Variants in SYT16 observed in about 807,000 individuals in gnomAD.
SYT16 encodes the protein synaptotagmin-16.
A neutral mutation model predicts 61.4 loss-of-function variants in SYT16; 42 were observed. The ratio of observed to expected loss-of-function variants is 0.68; its 90% CI spans 0.53 to 0.89. The LOEUF is 0.89. Ranked by LOEUF, SYT16 falls within the 40% of genes least tolerant of loss-of-function variation. The pLI, the probability that SYT16 is intolerant of heterozygous loss-of-function variation, is 0.00. For synonymous variants in SYT16, 314 were observed against 302.3 expected, an observed-to-expected ratio of 1.04 and a Z score of -0.40; for missense variants, 804 against 807.3, an observed-to-expected ratio of 1.00 and a Z score of 0.05.
intron 3 of SYT16, among the ~76,000 whole-genome samples, chr14:62,023,392 G>T (rs1260041448): frequency 6.6e-6 from 1 of 152,130 alleles, no homozygotes; most frequent in Non-Finnish European, 1.5e-5. Flanking sequence ...AAACATACAG[G>T]TGATAAAATC....
chr14:61,931,558 A>G (rs953205525), intron 1 of SYT16, among the ~76,000 whole-genome samples: 2 of 152,294 alleles, frequency 1.3e-5, no homozygotes, highest in East Asian at 1.9e-4. Context: ...TTCATTTTGT[A>G]TAGTAGTACA....
At chr14:62,044,857 G>C (rs1473967386) in intron 3 of SYT16, among the ~76,000 whole-genome samples, 1 of 152,094 alleles carries the variant, frequency 6.6e-6, no homozygotes, top group Non-Finnish European at 1.5e-5. Flanking sequence ...TATAAATTTT[G>C]TGGAGAGTGC....
intron 3 of SYT16, among the ~76,000 whole-genome samples, chr14:62,014,577 G>GT: frequency 6.6e-6 from 1 of 151,888 alleles, no homozygotes. Context: ...GGGATTACAG[G>GT]TGCCCACCAC....
At chr14:62,072,986 A>G (rs79221989) in intron 4 of SYT16, among the ~76,000 whole-genome samples, 1,528 of 152,250 alleles carry the variant, frequency 0.01, 16 homozygotes, top group East Asian at 0.069. Context: ...TTGTGCGTCT[A>G]TTGAAGGTGT....
At chr14:62,056,787 A>G (rs1402156345) in intron 3 of SYT16, among the ~76,000 whole-genome samples, 1 of 152,198 alleles carries the variant, frequency 6.6e-6, no homozygotes, top group Non-Finnish European at 1.5e-5. Context: ...GTTCTCTTGC[A>G]AGCAGTTGCT....
chr14:61,937,178 C>T (rs1445142168), intron 1 of SYT16, among the ~76,000 whole-genome samples: 1 of 152,190 alleles, frequency 6.6e-6, no homozygotes, highest in East Asian at 1.9e-4. Flanking sequence ...TTGCTTTAAA[C>T]TGATTTTGCT....
chr14:61,993,098 T>C (rs1252406832), intron 2 of SYT16, among the ~76,000 whole-genome samples: 1 of 152,160 alleles, frequency 6.6e-6, no homozygotes, highest in Non-Finnish European at 1.5e-5. Context: ...CTGTACTAAT[T>C]TGAAGATTTG....
chr14:62,011,305 A>G (rs1027324187), intron 3 of SYT16, among the ~76,000 whole-genome samples: 18 of 152,096 alleles, frequency 1.2e-4, no homozygotes, highest in African/African-American at 4.1e-4. Flanking sequence ...AGCTGGCTCC[A>G]TTCTCAAGCT....
intron 1 of SYT16, among the ~76,000 whole-genome samples, chr14:61,852,153 A>G (rs2046637680): frequency 1.3e-5 from 2 of 152,130 alleles, no homozygotes; most frequent in South Asian, 4.1e-4. Context: ...CAGTTTTCCC[A>G]GCACCATTTA....
chr14:62,049,254 C>T (rs559611451), intron 3 of SYT16, among the ~76,000 whole-genome samples: 1 of 152,098 alleles, frequency 6.6e-6, no homozygotes, highest in African/African-American at 2.4e-5. Context: ...CTCTTTTGAT[C>T]TTTGTTGGTT....
At chr14:61,873,803 T>C (rs920402821) in intron 1 of SYT16, among the ~76,000 whole-genome samples, 1 of 152,250 alleles carries the variant, frequency 6.6e-6, no homozygotes, top group African/African-American at 2.4e-5. Flanking sequence ...AGTAGGATGA[T>C]GTCTTCCTCT....
chr14:62,078,544 C>G (rs1427576354), intron 5 of SYT16, among the ~76,000 whole-genome samples: 6 of 152,162 alleles, frequency 3.9e-5, no homozygotes, highest in Non-Finnish European at 8.8e-5. Flanking sequence ...GGCTTTGTTC[C>G]CTGCTTTGGG....
rs547771267 is a variant in SYT16 at position 61,911,125 on chromosome 14, G to A, written c.-324-59007G>A. Among the ~76,000 whole-genome samples the A allele has an allele frequency of 1.2e-4, 18 of 152,188 alleles. No individual in the cohort carries two copies. The South Asian group carries it at 3.3e-3, about 28-fold the overall frequency. On this transcript the variant is annotated intron_variant, in intron 1 of 7. Coordinates refer to ENST00000683842, the MANE Select transcript of SYT16 (RefSeq NM_001367656.1). ...AATTTTTATGACTAAAATTTGTAAGGCGTTTCCTCTGACAGATCTTTTTTA... is the reference window on the plus strand; with the variant it reads ...AATTTTTATGACTAAAATTTGTAAGACGTTTCCTCTGACAGATCTTTTTTA...
intron 1 of SYT16, among the ~76,000 whole-genome samples, chr14:61,883,635 A>G (rs1402072860): frequency 6.6e-6 from 1 of 152,120 alleles, no homozygotes; most frequent in African/African-American, 2.4e-5. Context: ...GTTCCATCCT[A>G]TGCCTGTTAT....
At chr14:61,886,868 T>A (rs1457663188) in intron 1 of SYT16, among the ~76,000 whole-genome samples, 1 of 145,088 alleles carries the variant, frequency 6.9e-6, no homozygotes, top group East Asian at 2.0e-4. Context: ...GTTACGCTTA[T>A]TTTTTTTTTG....
At chr14:62,007,966 GA>G (rs1433870690) in intron 3 of SYT16, among the ~76,000 whole-genome samples, 2 of 151,864 alleles carry the variant, frequency 1.3e-5, no homozygotes, top group East Asian at 3.9e-4. Flanking sequence ...TAAGAGGAGG[GA>G]TATCTTTTTT....
At chr14:61,851,242 G>T (rs894162678) in intron 1 of SYT16, among the ~76,000 whole-genome samples, 1 of 152,136 alleles carries the variant, frequency 6.6e-6, no homozygotes, top group Non-Finnish European at 1.5e-5. Context: ...ATATGATCTT[G>T]CTCCTTTTTA....
intron 1 of SYT16, among the ~76,000 whole-genome samples, chr14:61,921,169 C>G (rs1306007547): frequency 6.6e-6 from 1 of 152,202 alleles, no homozygotes; most frequent in Non-Finnish European, 1.5e-5. Flanking sequence ...TAGCACAGAA[C>G]CTGGCACAGT....
At chr14:61,915,916 T>A (rs1242146885) in intron 1 of SYT16, among the ~76,000 whole-genome samples, 1 of 152,222 alleles carries the variant, frequency 6.6e-6, no homozygotes, top group East Asian at 1.9e-4. Context: ...CCAAAGATGA[T>A]CTCACGGGTT....
Sources: allele counts gnomAD v4.1 joint callset (sites outside exome capture counted in the v4.1 genomes callset), GRCh38; gene constraint gnomAD v4.1.1; transcripts MANE v1.5; gene names NCBI Gene and HGNC (gene_info 2026-07-23, HGNC 2026-07-21).